The following FIG4 variants were observed in gnomAD, a reference collection of about 807,000 sequenced individuals.
FIG4 encodes FIG4 phosphoinositide 5-phosphatase, also known as polyphosphoinositide phosphatase.
A neutral mutation model predicts 118.6 loss-of-function variants in FIG4; 112 were observed. That is an observed-to-expected ratio of 0.94 (90% CI 0.81 to 1.11). FIG4 has a LOEUF of 1.11. FIG4 is among the 50% of genes least tolerant of loss of function. The pLI is 0.00. For missense variants in FIG4, 969 were observed against 1,111.7 expected (o/e 0.87, Z 1.83); for synonymous variants, 369 against 381.2 (o/e 0.97, Z 0.37).
intron 16 of FIG4, among the ~76,000 whole-genome samples, chr6:109,778,311 A>G (rs1285513573): frequency 2.0e-5 from 3 of 151,486 alleles, no homozygotes; most frequent in Non-Finnish European, 4.4e-5. Flanking sequence ...AAAAAAAAAA[A>G]ATACAAAAAA....
chr6:109,745,508 T>A (rs890096555), intron 10 of FIG4, among the ~76,000 whole-genome samples: 4 of 152,180 alleles, frequency 2.6e-5, no homozygotes, highest in African/African-American at 9.7e-5. Context: ...TCTTGTAAAT[T>A]TGTTTAAGTT....
chr6:109,753,682 G>A (rs1444387513), intron 10 of FIG4, among the ~76,000 whole-genome samples: 1 of 151,920 alleles, frequency 6.6e-6, no homozygotes, highest in African/African-American at 2.4e-5. Flanking sequence ...TGGATTCCTA[G>A]GTATTTTATT....
At chr6:109,805,036 A>G (rs1778525175) in intron 22 of FIG4, among the ~76,000 whole-genome samples, 1 of 152,204 alleles carries the variant, frequency 6.6e-6, no homozygotes. Flanking sequence ...GCAAATGACA[A>G]GGCAGATGAT....
At chr6:109,743,593 C>T in intron 9 of FIG4, 82 bp from the exon 10 acceptor site, 1 of 1,066,572 alleles carries the variant, frequency 9.4e-7, no homozygotes. Context: ...AATTGCATTT[C>T]TTTAAAAAAA....
At chr6:109,702,063 C>T (rs879542222) in intron 1 of FIG4, among the ~76,000 whole-genome samples, 15 of 152,174 alleles carry the variant, frequency 9.9e-5, no homozygotes, top group Non-Finnish European at 1.8e-4. Context: ...GCTTGCAATA[C>T]TGTTAGATTG....
In FIG4 at chr6:109,789,604, C is replaced by G. The variant is rs749978902; in HGVS notation, c.2107C>G (p.Pro703Ala). 1 of 1,612,822 alleles carries G rather than the reference C, an allele frequency of 6.2e-7. No individual in the cohort carries two copies. The highest frequency in any genetic ancestry group is 2.2e-5 in the East Asian group (1 of 44,784). Residue 703 changes from proline to alanine, a missense_variant, in exon 19 of 23, where the codon CCT becomes GCT. Coordinates refer to ENST00000230124, the MANE Select transcript of FIG4 (RefSeq NM_014845.6). ...TTCACCTTTCTTTAGTGACTTTATG[C>G]CTAAGACCGTTGGAATTGATCCAAG... ...AMTSSARDFM[P>A]KTVGIDPSPF...
chr6:109,726,531 T>C (rs1006947436), intron 3 of FIG4, among the ~76,000 whole-genome samples: 14 of 152,134 alleles, frequency 9.2e-5, no homozygotes. Context: ...AGTCAGGTAG[T>C]GTGATGCCTC....
intron 10 of FIG4, among the ~76,000 whole-genome samples, chr6:109,753,618 T>A (rs1369599716): frequency 6.6e-6 from 1 of 152,182 alleles, no homozygotes; most frequent in Non-Finnish European, 1.5e-5. Flanking sequence ...TTTAATTCCG[T>A]TAAGCAGTGG....
chr6:109,713,208 G>A lies in FIG4; in HGVS notation c.67-1870G>A, dbSNP rs150904860. 2.9e-3 allele frequency among the ~76,000 whole-genome samples: 439 copies of A among 152,330 alleles called. 1 individual carries two copies. The highest frequency in any genetic ancestry group is 0.014 in the Middle Eastern group (4 of 294). ...GTGGCGGTGGGATATGTCCTCATTCGCATGTGCCAGTGGCAGCGAAAGCAT... is the reference window on the plus strand; with the variant it reads ...GTGGCGGTGGGATATGTCCTCATTCACATGTGCCAGTGGCAGCGAAAGCAT... On this transcript the variant is annotated intron_variant, in intron 1 of 22. Coordinates refer to ENST00000230124, the MANE Select transcript of FIG4 (RefSeq NM_014845.6).
At chr6:109,740,793 A>G (rs1776299655) in intron 7 of FIG4, among the ~76,000 whole-genome samples, 1 of 152,144 alleles carries the variant, frequency 6.6e-6, no homozygotes, top group Non-Finnish European at 1.5e-5. Flanking sequence ...GAACTACCTG[A>G]GACTGGGTAA....
At chr6:109,764,132 T>G (rs1203912972) in intron 13 of FIG4, 150 bp downstream of exon 13, 1 of 641,834 alleles carries the variant, frequency 1.6e-6, no homozygotes, top group Non-Finnish European at 2.7e-6. Context: ...TTCTAGTCTT[T>G]AATGCTTATG....
At position 109,792,632 on chromosome 6, in the gene FIG4, C is replaced by T; in HGVS notation, c.2427C>T (p.Gly809=). Residue 809 remains glycine (G), a synonymous_variant, in exon 21 of 23, where the codon GGC becomes GGT. Coordinates refer to ENST00000230124, the MANE Select transcript of FIG4 (RefSeq NM_014845.6). The stretch of plus-strand genomic sequence containing the variant: ...TATATGGAATTAACCTCTCAGATGG[C>T]CTCTCAGAAGAAGATTTCTCCATTT... The part of the protein sequence containing the change: ...KELYGINLSD[G]LSEEDFSIYS... 6.3e-7 allele frequency: 1 copy of T among 1,599,958 alleles called. No homozygotes were observed. The highest frequency in any genetic ancestry group is 8.6e-7 in the Non-Finnish European group (1 of 1,167,852).
intron 8 of FIG4, among the ~76,000 whole-genome samples, chr6:109,742,475 T>G (rs939405538): frequency 1.3e-5 from 2 of 152,100 alleles, no homozygotes; most frequent in African/African-American, 4.8e-5. Context: ...GGCACTGGGT[T>G]TTGATCCTGG....
intron 22 of FIG4, among the ~76,000 whole-genome samples, chr6:109,802,592 C>T (rs1408559901): frequency 6.6e-6 from 1 of 152,200 alleles, no homozygotes; most frequent in Non-Finnish European, 1.5e-5. Context: ...TGAGTGACTT[C>T]ACTGTTTGGA....
At position 109,776,214 on chromosome 6, in the gene FIG4, G is replaced by A. The variant is rs149013818; in HGVS notation, c.1751-708G>A. ...CAAAAGATAATTAGGAAAAGGAAGA[G>A]GAAGTAAAACATACACAGAGTCAGT... is the stretch of plus-strand genomic sequence containing the variant. On this transcript the variant is annotated intron_variant, in intron 15 of 22. Transcript: ENST00000230124. Among the ~76,000 whole-genome samples, 533 of 152,246 alleles carry A rather than the reference G, an allele frequency of 3.5e-3. 3 individuals are homozygous for A. The highest frequency in any genetic ancestry group is 0.012 in the African/African-American group (487 of 41,532).
chr6:109,788,586 C>T lies in FIG4; in HGVS notation c.2097-1008C>T, dbSNP rs1778051900. Among the ~76,000 whole-genome samples the T allele has an allele frequency of 2.6e-5, 4 of 152,230 alleles. No homozygotes were observed. In the South Asian group the frequency reaches 8.3e-4, roughly 32 times the overall value. ...ATGTCTGCAGTGACTGTGAAAGTACCACGAGGATTGATTTGGGGGTTACAG... is the reference window on the plus strand; with the variant it reads ...ATGTCTGCAGTGACTGTGAAAGTACTACGAGGATTGATTTGGGGGTTACAG... On this transcript the variant is annotated intron_variant, in intron 18 of 22. Coordinates refer to ENST00000230124, the MANE Select transcript of FIG4 (RefSeq NM_014845.6).
chr6:109,823,484 C>A (rs532581614), intron 22 of FIG4, among the ~76,000 whole-genome samples: 3 of 152,300 alleles, frequency 2.0e-5, no homozygotes, highest in African/African-American at 7.2e-5. Context: ...GTACAGTAAG[C>A]TATCTTGGCT....
At chr6:109,716,311 A>G in intron 2 of FIG4, 134 bp from the exon 3 acceptor site, 1 of 837,618 alleles carries the variant, frequency 1.2e-6, no homozygotes, top group Non-Finnish European at 1.9e-6. Flanking sequence ...ATTGTAGCTT[A>G]CTTGTGTACT....
chr6:109,697,978 T>C (rs370356384), intron 1 of FIG4, among the ~76,000 whole-genome samples: 1 of 151,950 alleles, frequency 6.6e-6, no homozygotes, highest in Admixed American at 6.6e-5. Context: ...AACCTCTGCC[T>C]CCTGGGTTCA....
Sources: gnomAD v4.1 joint callset for allele counts (sites outside exome capture counted in the v4.1 genomes callset) on GRCh38, gnomAD v4.1.1 for gene constraint, MANE v1.5 for transcripts, NCBI Gene and HGNC (gene_info 2026-07-23, HGNC 2026-07-21) for gene names.